The following ZNF407 variants were observed in gnomAD, a reference collection of about 807,000 sequenced individuals.
ZNF407 encodes zinc finger protein 407.
Under a neutral mutation model 131.2 loss-of-function variants are expected in ZNF407, and 17 were observed. The observed-to-expected ratio is 0.13, with a 90% CI of 0.09 to 0.19. The LOEUF (loss-of-function observed/expected upper bound fraction) is 0.19. Ranked by LOEUF, ZNF407 falls within the 10% of genes least tolerant of loss-of-function variation. The pLI is 1.00. For synonymous variants in ZNF407, 1,156 were observed against 1,062.0 expected, an observed-to-expected ratio of 1.09 and a Z score of -1.72; for missense variants, 2,681 against 2,830.6, an observed-to-expected ratio of 0.95 and a Z score of 1.20.
chr18:74,872,225 G>A (rs1306167252), intron 4 of ZNF407, among the ~76,000 whole-genome samples: 2 of 140,758 alleles, frequency 1.4e-5, no homozygotes, highest in Non-Finnish European at 3.0e-5. Context: ...TTTTGCACAT[G>A]GACGACCTAG....
At chr18:74,837,810 C>T (rs1970578836) in intron 4 of ZNF407, among the ~76,000 whole-genome samples, 1 of 152,046 alleles carries the variant, frequency 6.6e-6, no homozygotes, top group Non-Finnish European at 1.5e-5. Flanking sequence ...TCCACCATCA[C>T]ACCCAGCTAA....
intron 3 of ZNF407, among the ~76,000 whole-genome samples, chr18:74,671,634 G>A (rs548188489): frequency 5.3e-5 from 8 of 152,186 alleles, no homozygotes; most frequent in South Asian, 4.2e-4. Context: ...TTCCTGCTGC[G>A]TTAGTTTGCT....
rs541682095 is a variant in ZNF407 at position 74,910,276 on chromosome 18, G to T, written c.5250-10238G>T. On this transcript the variant is annotated intron_variant, in intron 7 of 8. Transcript: ENST00000299687. Reference sequence around the variant, plus strand: ...GAGTTGTAAAAGCAGTAGTTCCAAAGTAATACGTTATTTTAAAATAATAGG... The same window carrying T: ...GAGTTGTAAAAGCAGTAGTTCCAAATTAATACGTTATTTTAAAATAATAGG... Among the ~76,000 whole-genome samples the T allele has an allele frequency of 3.3e-5, 5 of 152,194 alleles. No individual in the cohort carries two copies. In the East Asian group the frequency reaches 9.7e-4, roughly 29 times the overall value.
intron 3 of ZNF407, among the ~76,000 whole-genome samples, chr18:74,754,966 T>C (rs1283947687): frequency 6.6e-6 from 1 of 152,184 alleles, no homozygotes; most frequent in East Asian, 1.9e-4. Context: ...TCTCCCATTA[T>C]TATTGTGTGG....
chr18:75,016,190 T>C (rs1973042192), intron 8 of ZNF407, among the ~76,000 whole-genome samples: 2 of 152,076 alleles, frequency 1.3e-5, no homozygotes, highest in Non-Finnish European at 2.9e-5. Context: ...TGTTGATTTG[T>C]GTCCTCATGC....
At position 74,958,503 on chromosome 18, in the gene ZNF407, G is replaced by A. The variant is rs114870700; in HGVS notation, c.5428+37811G>A. ...CCTGAGCTGCATTGGGTTTGATGAG[G>A]AGCCCGCCGTGCACACACCTGAGCT... On this transcript the variant is annotated intron_variant, in intron 8 of 8. Coordinates refer to ENST00000299687, the MANE Select transcript of ZNF407 (RefSeq NM_017757.3). Among the ~76,000 whole-genome samples, 1,294 of 151,980 alleles carry A rather than the reference G, an allele frequency of 8.5e-3. 18 individuals carry two copies. Among genetic ancestry groups the A allele is most frequent in the African/African-American group, 0.028 (1,174 of 41,436 alleles).
chr18:74,811,717 C>T (rs1970198014), intron 4 of ZNF407, among the ~76,000 whole-genome samples: 1 of 151,928 alleles, frequency 6.6e-6, no homozygotes, highest in Admixed American at 6.6e-5. Context: ...AGTTCATGTC[C>T]TTTGTAGGGA....
intron 8 of ZNF407, among the ~76,000 whole-genome samples, chr18:75,023,236 CAT>C (rs1346939788): frequency 2.0e-5 from 3 of 152,044 alleles, no homozygotes; most frequent in Non-Finnish European, 4.4e-5. Context: ...CTTAATACAC[CAT>C]GTTACCTGTG....
chr18:74,616,643 A>C (rs1983299321), intron 1 of ZNF407, among the ~76,000 whole-genome samples: 2 of 152,066 alleles, frequency 1.3e-5, no homozygotes, highest in South Asian at 4.2e-4. Context: ...TGTTTCTAGG[A>C]CACCTGTATA....
chr18:74,824,412 A>G (rs1313814249), intron 4 of ZNF407, among the ~76,000 whole-genome samples: 1 of 152,172 alleles, frequency 6.6e-6, no homozygotes, highest in Non-Finnish European at 1.5e-5. Context: ...CAAAACAATC[A>G]ATGAATTCAG....
Position 75,064,649 on chromosome 18 carries a change from T to G in ZNF407, c.*181T>G. 1 of 556,520 alleles carries G rather than the reference T, an allele frequency of 1.8e-6. No individual in the cohort carries two copies. Among genetic ancestry groups the G allele is most frequent in the Non-Finnish European group, 2.9e-6 (1 of 343,344 alleles). The allele number at this position is 556,520 out of a possible 1,614,324, so 34.5% of individuals were successfully genotyped here. On this transcript the variant is annotated 3_prime_UTR_variant, in exon 9 of 9. Transcript: ENST00000299687. ...CCACCAGCCAGGCGCCCACAGAGGG[T>G]ACCGTGGGCTGGGCCTCGGGGAGCA...
At chr18:74,869,717 C>T (rs1484451146) in intron 4 of ZNF407, among the ~76,000 whole-genome samples, 1 of 152,134 alleles carries the variant, frequency 6.6e-6, no homozygotes, top group Non-Finnish European at 1.5e-5. Context: ...CCAGAGTAGG[C>T]CCACTGCCTG....
At chr18:74,604,837 A>G (rs907980581) in intron 1 of ZNF407, among the ~76,000 whole-genome samples, 5 of 152,166 alleles carry the variant, frequency 3.3e-5, no homozygotes, top group African/African-American at 9.7e-5. Flanking sequence ...GACACTCACC[A>G]TGTGTAAGAG....
At chr18:74,755,582 G>GTTTTTTT (rs541126314) in intron 3 of ZNF407, among the ~76,000 whole-genome samples, 5 of 87,356 alleles carry the variant, frequency 5.7e-5, no homozygotes, top group African/African-American at 2.3e-4. Flanking sequence ...CTCCTTTCTG[G>GTTTTTTT]TTTTTTTTTT....
chr18:74,832,513 A>G (rs539216222), intron 4 of ZNF407, among the ~76,000 whole-genome samples: 2 of 151,804 alleles, frequency 1.3e-5, no homozygotes, highest in East Asian at 3.9e-4. Context: ...GGAGTGCAGT[A>G]GTATGATTAT....
Position 74,863,557 on chromosome 18 carries a change from G to T in ZNF407, c.4878-13640G>T, listed in dbSNP as rs182188659. Among the ~76,000 whole-genome samples, 92 of 152,122 alleles carry T rather than the reference G, an allele frequency of 6.0e-4. 1 individual carries two copies. The highest frequency in any genetic ancestry group is 6.0e-3 in the Admixed American group (91 of 15,280). ...TCTTTTGGTTATTTATACACCATAA[G>T]TCTCCTTTTATTTGACTAGTTGCTA... On this transcript the variant is annotated intron_variant, in intron 4 of 8. Coordinates refer to ENST00000299687, the MANE Select transcript of ZNF407 (RefSeq NM_017757.3).
chr18:74,618,444 GTGTT>G (rs1400842410), intron 1 of ZNF407, among the ~76,000 whole-genome samples: 19 of 152,292 alleles, frequency 1.2e-4, no homozygotes, highest in African/African-American at 4.1e-4. Flanking sequence ...GTGCAGATGA[GTGTT>G]TGACCAAATT....
chr18:74,900,004 G>C lies in ZNF407; in HGVS notation c.5249+9966G>C, dbSNP rs1379258976. Reference sequence around the variant, plus strand: ...GCTGAAGGCAGGTAGACGGATGCGTGCTGTCTTTGTGTTGGCATTCATTTG... The same window carrying C: ...GCTGAAGGCAGGTAGACGGATGCGTCCTGTCTTTGTGTTGGCATTCATTTG... On this transcript the variant is annotated intron_variant, in intron 7 of 8. Coordinates refer to ENST00000299687, the MANE Select transcript of ZNF407 (RefSeq NM_017757.3). Among the ~76,000 whole-genome samples, 3 of 152,240 alleles carry C rather than the reference G, an allele frequency of 2.0e-5. No homozygotes were observed. In the East Asian group the frequency reaches 5.8e-4, roughly 29 times the overall value.
At chr18:74,676,603 A>ATTTT (rs1555676036) in intron 3 of ZNF407, among the ~76,000 whole-genome samples, 1 of 151,030 alleles carries the variant, frequency 6.6e-6, no homozygotes, top group Non-Finnish European at 1.5e-5. Context: ...TGCCCGGGTA[A>ATTTT]TTTTGTATTT....
Sources: gnomAD v4.1 joint callset for allele counts (sites outside exome capture counted in the v4.1 genomes callset) on GRCh38, gnomAD v4.1.1 for gene constraint, MANE v1.5 for transcripts, NCBI Gene and HGNC (gene_info 2026-07-23, HGNC 2026-07-21) for gene names.